The following CSMD1 variants were observed in gnomAD, a reference collection of about 807,000 sequenced individuals.
CSMD1 encodes CUB and Sushi multiple domains 1.
CSMD1 carries 213 observed loss-of-function variants against 417.5 expected under a neutral mutation model. The observed-to-expected ratio is 0.51, with a 90% CI of 0.46 to 0.57. The LOEUF (loss-of-function observed/expected upper bound fraction) is 0.57. Ranked by LOEUF, CSMD1 falls within the 20% of genes least tolerant of loss-of-function variation. The pLI is 0.00. For missense variants in CSMD1, 6,923 were observed against 4,529.7 expected (o/e 1.53, Z -15.17); for synonymous variants, 2,862 against 1,736.8 (o/e 1.65, Z -16.11).
intron 18 of CSMD1, among the ~76,000 whole-genome samples, chr8:3,384,582 T>G (rs1447365899): frequency 6.7e-6 from 1 of 149,102 alleles, no homozygotes; most frequent in Non-Finnish European, 1.5e-5. Context: ...TCGTATCCAT[T>G]TGGAGCATTT....
At chr8:4,105,953 T>G (rs1304700193) in intron 3 of CSMD1, among the ~76,000 whole-genome samples, 2 of 152,150 alleles carry the variant, frequency 1.3e-5, no homozygotes, top group East Asian at 3.9e-4. Flanking sequence ...TGACCTGAAT[T>G]AGCCACAAGT....
intron 1 of CSMD1, among the ~76,000 whole-genome samples, chr8:4,657,014 C>T (rs75103576): frequency 0.012 from 1,799 of 152,144 alleles, 38 homozygotes; most frequent in East Asian, 0.1. Context: ...CCGTAGGGCA[C>T]GCAAAGCCAC....
At chr8:2,988,789 A>C (rs1046228747) in intron 54 of CSMD1, among the ~76,000 whole-genome samples, 3 of 152,176 alleles carry the variant, frequency 2.0e-5, no homozygotes, top group African/African-American at 7.2e-5. Context: ...GAGTTTTCTA[A>C]TTGATCACAA....
rs754224272 is a variant in CSMD1, at chr8:3,151,404, G to A, written c.6024C>T (p.Ile2008=). 6.9e-6 allele frequency: 11 copies of A among 1,604,952 alleles called. No individual in the cohort carries two copies. The highest frequency in any genetic ancestry group is 1.1e-5 in the South Asian group (1 of 90,588). ...GGTAACATTTTCACTTACCATAGCC[G>A]ATGGGTAATGAGATCCTCCAGGTGC... ...LDCTWRISLP[I]GYGAHIQFLN... Residue 2008 remains isoleucine, a synonymous_variant, in exon 40 of 70, where the codon ATC becomes ATT. Transcript: ENST00000635120.
At chr8:4,150,158 A>T (rs1796493275) in intron 3 of CSMD1, among the ~76,000 whole-genome samples, 1 of 152,232 alleles carries the variant, frequency 6.6e-6, no homozygotes, top group African/African-American at 2.4e-5. Flanking sequence ...TCTTGAGGAT[A>T]GACAAAATCC....
intron 10 of CSMD1, among the ~76,000 whole-genome samples, chr8:3,531,631 C>A (rs1410633523): frequency 6.6e-6 from 1 of 152,124 alleles, no homozygotes; most frequent in Non-Finnish European, 1.5e-5. Flanking sequence ...TATGTGTTAG[C>A]ATAGGTGCAA....
intron 23 of CSMD1, among the ~76,000 whole-genome samples, chr8:3,327,229 G>A (rs758632780): frequency 1.3e-4 from 19 of 151,392 alleles, no homozygotes; most frequent in Non-Finnish European, 2.2e-4. Flanking sequence ...TGTAAGCTCC[G>A]CCTCCCAGGT....
intron 3 of CSMD1, among the ~76,000 whole-genome samples, chr8:4,135,605 T>C (rs1266963676): frequency 6.6e-6 from 1 of 152,064 alleles, no homozygotes; most frequent in Non-Finnish European, 1.5e-5. Context: ...AAGAGGAAAA[T>C]TTAGTTTGCA....
At position 4,805,607 on chromosome 8, in the gene CSMD1, G is replaced by A. The variant is rs903554925; in HGVS notation, c.86-168049C>T. Among the ~76,000 whole-genome samples the A allele has an allele frequency of 4.6e-5, 7 of 152,182 alleles. No homozygotes were observed. In the East Asian group the frequency reaches 5.8e-4, roughly 13 times the overall value. The stretch of plus-strand genomic sequence containing the variant: ...AAGACGCTGAGCCAAAACTGAGGAA[G>A]TGCTACATACATTAAATTACCTAGT... On this transcript the variant is annotated intron_variant, in intron 1 of 69. Coordinates refer to ENST00000635120, the MANE Select transcript of CSMD1 (RefSeq NM_033225.6).
rs369025680 is a variant in CSMD1, at chr8:4,590,670, C to T, written c.302+46672G>A. ...TTACAACATTATAAAGCTATATTCA[C>T]GATGAAATCTTAAGAAAATGAGAAG... On this transcript the variant is annotated intron_variant, in intron 2 of 69. Coordinates refer to ENST00000635120, the MANE Select transcript of CSMD1 (RefSeq NM_033225.6). 6.4e-4 allele frequency among the ~76,000 whole-genome samples: 97 copies of T among 152,146 alleles called. 2 individuals carry two copies. The South Asian group carries it at 0.018, about 28-fold the overall frequency.
At chr8:4,048,266 C>T (rs1054994981) in intron 3 of CSMD1, among the ~76,000 whole-genome samples, 1 of 152,168 alleles carries the variant, frequency 6.6e-6, no homozygotes, top group Non-Finnish European at 1.5e-5. Flanking sequence ...GATACCTACA[C>T]ATTTTTACAC....
chr8:3,110,008 C>T, intron 43 of CSMD1, 150 bp downstream of exon 43: 1 of 665,092 alleles, frequency 1.5e-6, no homozygotes, highest in South Asian at 2.1e-5. Flanking sequence ...AAATTGATTC[C>T]CTATATCTCT....
chr8:4,840,011 C>G (rs1163272046), intron 1 of CSMD1, among the ~76,000 whole-genome samples: 1 of 152,128 alleles, frequency 6.6e-6, no homozygotes, highest in African/African-American at 2.4e-5. Flanking sequence ...GCTTTTTGTC[C>G]TGCATGCACA....
Position 4,125,538 on chromosome 8 carries a change from G to A in CSMD1, c.416-93439C>T, listed in dbSNP as rs144071508. Among the ~76,000 whole-genome samples, 1,088 of 152,314 alleles carry A rather than the reference G, an allele frequency of 7.1e-3. 9 individuals are homozygous for A. The highest frequency in any genetic ancestry group is 0.01 in the Non-Finnish European group (695 of 68,030). Reference sequence around the variant, plus strand: ...CTCCTGAGACTGTCAGGGGCGCGCAGCCTCAACTTTGTTAAAAATAAACAT... The same window carrying A: ...CTCCTGAGACTGTCAGGGGCGCGCAACCTCAACTTTGTTAAAAATAAACAT... On this transcript the variant is annotated intron_variant, in intron 3 of 69. Coordinates refer to ENST00000635120, the MANE Select transcript of CSMD1 (RefSeq NM_033225.6).
At chr8:3,292,020 T>G (rs1803614400) in intron 25 of CSMD1, among the ~76,000 whole-genome samples, 1 of 152,130 alleles carries the variant, frequency 6.6e-6, no homozygotes, top group Admixed American at 6.6e-5. Flanking sequence ...GATTCTGGTA[T>G]GTTGTGTCTT....
intron 3 of CSMD1, among the ~76,000 whole-genome samples, chr8:4,181,503 A>T (rs985322630): frequency 2.4e-4 from 36 of 152,298 alleles, no homozygotes; most frequent in African/African-American, 8.7e-4. Context: ...AGCTTTAAAA[A>T]AATCACCAGA....
intron 3 of CSMD1, among the ~76,000 whole-genome samples, chr8:4,403,130 C>G (rs942451164): frequency 7.9e-5 from 12 of 151,778 alleles, no homozygotes; most frequent in Admixed American, 7.9e-4. Flanking sequence ...TGCCCCCGGC[C>G]AAAATGTCCT....
chr8:2,953,968 G>A lies in CSMD1; in HGVS notation c.10039+256C>T, dbSNP rs183764171. 4.6e-3 allele frequency among the ~76,000 whole-genome samples: 699 copies of A among 152,360 alleles called. 2 individuals carry two copies. Among genetic ancestry groups the A allele is most frequent in the South Asian group, 0.011 (53 of 4,830 alleles). On this transcript the variant is annotated intron_variant, in intron 65 of 69. Coordinates refer to ENST00000635120, the MANE Select transcript of CSMD1 (RefSeq NM_033225.6). ...CATTTCTGCCTACCAAATGCCGAAG[G>A]CAAGTTTGAATGAAACAGGGTGTGA...
chr8:4,491,740 G>C (rs566760383), intron 2 of CSMD1, among the ~76,000 whole-genome samples: 47 of 152,248 alleles, frequency 3.1e-4, no homozygotes, highest in Middle Eastern at 3.4e-3. Flanking sequence ...TTGAGGTTGT[G>C]GGGCAACAGG....
Sources: gnomAD v4.1 joint callset for allele counts (sites outside exome capture counted in the v4.1 genomes callset) on GRCh38, gnomAD v4.1.1 for gene constraint, MANE v1.5 for transcripts, NCBI Gene and HGNC (gene_info 2026-07-23, HGNC 2026-07-21) for gene names.